Variants in PLCB4 observed in about 807,000 individuals in gnomAD.
PLCB4 encodes 1-phosphatidylinositol 4,5-bisphosphate phosphodiesterase beta-4.
PLCB4 carries 77 observed loss-of-function variants against 178.8 expected under a neutral mutation model. The observed-to-expected ratio is 0.43, with a 90% CI of 0.36 to 0.52. The LOEUF (loss-of-function observed/expected upper bound fraction) is 0.52. Among genes scored for constraint, PLCB4 ranks in the 20% least tolerant of loss-of-function variants. The probability of loss-of-function intolerance (pLI) is 0.00; values close to 1 mark genes in which losing one functional copy is unlikely to be tolerated. For missense variants in PLCB4, 1,024 were observed against 1,453.4 expected (o/e 0.70, Z 4.80); for synonymous variants, 496 against 490.8 (o/e 1.01, Z -0.14).
intron 3 of PLCB4, among the ~76,000 whole-genome samples, chr20:9,299,820 A>G (rs1464055042): frequency 6.6e-6 from 1 of 152,062 alleles, no homozygotes; most frequent in Non-Finnish European, 1.5e-5. Context: ...CAATTACTAG[A>G]TAAAAGAGTA....
rs151093718 is a variant in PLCB4, at chr20:9,455,917, C to T, written c.2997-1497C>T. ...GTAGCACAATCTTGGCCCAATGCAA[C>T]CTCCGCCTCCCAGGTTCAAGCAATC... On this transcript the variant is annotated intron_variant, in intron 33 of 39. Transcript: ENST00000378473. Among the ~76,000 whole-genome samples the T allele has an allele frequency of 5.6e-3, 859 of 152,310 alleles. 14 individuals are homozygous for T. Among genetic ancestry groups the T allele is most frequent in the African/African-American group, 0.019 (808 of 41,554 alleles).
chr20:9,467,939 C>T (rs1214512808), intron 35 of PLCB4, among the ~76,000 whole-genome samples: 1 of 152,174 alleles, frequency 6.6e-6, no homozygotes, highest in African/African-American at 2.4e-5. Flanking sequence ...CATACACATG[C>T]ATTCCCACAT....
At chr20:9,131,991 C>T (rs184660173) in intron 2 of PLCB4, among the ~76,000 whole-genome samples, 1 of 152,172 alleles carries the variant, frequency 6.6e-6, no homozygotes, top group East Asian at 1.9e-4. Context: ...CCCAGTCAAA[C>T]TCCCAACTGA....
At chr20:9,330,383 CCA>C (rs1400381283) in intron 4 of PLCB4, among the ~76,000 whole-genome samples, 3 of 152,164 alleles carry the variant, frequency 2.0e-5, no homozygotes, top group African/African-American at 4.8e-5. Context: ...TCTTATCAAA[CCA>C]GGAAGCAAGG....
In PLCB4 at chr20:9,191,880, G is replaced by GT. The variant is rs11475371; in HGVS notation, c.-78-25495dup. Among the ~76,000 whole-genome samples the GT allele has an allele frequency of 5.6e-3, 789 of 140,488 alleles. 4 individuals carry two copies. The highest frequency in any genetic ancestry group is 9.5e-3 in the East Asian group (45 of 4,720). 92.2% of individuals were successfully genotyped at this position (140,488 alleles called of 152,430 possible). On this transcript the variant is annotated intron_variant, in intron 2 of 39. Coordinates refer to ENST00000378473, the MANE Select transcript of PLCB4 (RefSeq NM_001377142.1). ...GTCCAGATATTAATTCATTCTGTAT[G>GT]TTTTTTTTTTTTTTTAAATATACAC... is the stretch of plus-strand genomic sequence containing the variant.
intron 2 of PLCB4, among the ~76,000 whole-genome samples, chr20:9,162,683 A>G (rs1037853068): frequency 6.6e-6 from 1 of 152,040 alleles, no homozygotes; most frequent in Non-Finnish European, 1.5e-5. Flanking sequence ...TTTTCTTTCT[A>G]TAATTTACAT....
At chr20:9,335,792 T>C (rs571740531) in intron 4 of PLCB4, among the ~76,000 whole-genome samples, 1 of 152,300 alleles carries the variant, frequency 6.6e-6, no homozygotes, top group African/African-American at 2.4e-5. Context: ...CCATGCCCTT[T>C]CCTTTGGTCT....
intron 7 of PLCB4, 73 bp from the exon 8 acceptor site, chr20:9,362,823 C>T (rs2035461581): frequency 3.5e-6 from 3 of 847,532 alleles, no homozygotes; most frequent in South Asian, 1.4e-5. Context: ...TGGATACAAT[C>T]TATCTAATAA....
At chr20:9,101,975 G>A (rs1255663899) in intron 2 of PLCB4, among the ~76,000 whole-genome samples, 1 of 151,832 alleles carries the variant, frequency 6.6e-6, no homozygotes, top group Non-Finnish European at 1.5e-5. Context: ...CTCCTGTGTA[G>A]CTGGGATTAT....
chr20:9,227,256 TG>T (rs2093878349), intron 3 of PLCB4, among the ~76,000 whole-genome samples: 1 of 152,090 alleles, frequency 6.6e-6, no homozygotes, highest in African/African-American at 2.4e-5. Context: ...TTCTGTAGAC[TG>T]TCTTTTCATT....
intron 2 of PLCB4, among the ~76,000 whole-genome samples, chr20:9,099,893 GT>G (rs2091074435): frequency 6.6e-6 from 1 of 152,144 alleles, no homozygotes; most frequent in South Asian, 2.1e-4. Flanking sequence ...ATTTTATTGT[GT>G]GTACAGTAGA....
chr20:9,240,980 A>G (rs954821178), intron 3 of PLCB4, among the ~76,000 whole-genome samples: 9 of 152,286 alleles, frequency 5.9e-5, no homozygotes, highest in Middle Eastern at 3.4e-3. Context: ...CAGAAATCCT[A>G]TCTAATACAT....
intron 3 of PLCB4, among the ~76,000 whole-genome samples, chr20:9,294,159 A>T (rs987548425): frequency 2.6e-5 from 4 of 152,130 alleles, no homozygotes; most frequent in African/African-American, 9.7e-5. Context: ...CTGAGTTCTT[A>T]GGAGAAATAT....
At chr20:9,203,500 A>C (rs1414892088) in intron 2 of PLCB4, among the ~76,000 whole-genome samples, 2 of 152,230 alleles carry the variant, frequency 1.3e-5, no homozygotes, top group African/African-American at 4.8e-5. Context: ...TAATTTGCAC[A>C]GATCATTTTC....
intron 4 of PLCB4, among the ~76,000 whole-genome samples, chr20:9,327,143 A>C (rs1390675497): frequency 6.6e-6 from 1 of 151,498 alleles, no homozygotes; most frequent in African/African-American, 2.4e-5. Flanking sequence ...GTTTTATATT[A>C]ATAATCAATA....
chr20:9,107,976 A>G (rs2091431186), intron 2 of PLCB4, among the ~76,000 whole-genome samples: 1 of 152,110 alleles, frequency 6.6e-6, no homozygotes, highest in African/African-American at 2.4e-5. Flanking sequence ...CATGGATTCC[A>G]CGTAAGGTAT....
At chr20:9,317,542 T>C (rs1468176115) in intron 4 of PLCB4, among the ~76,000 whole-genome samples, 1 of 152,154 alleles carries the variant, frequency 6.6e-6, no homozygotes, top group Non-Finnish European at 1.5e-5. Context: ...CTCAGTCAGT[T>C]TCATGGAAAA....
rs145822789 is a variant in PLCB4, at chr20:9,477,906, G to A, written c.3533-1015G>A. Among the ~76,000 whole-genome samples the A allele has an allele frequency of 3.4e-3, 512 of 152,226 alleles. 7 individuals are homozygous for A. The highest frequency in any genetic ancestry group is 0.012 in the African/African-American group (489 of 41,552). ...TCCCCTCCCAGTGACCTTCCATTTA[G>A]TTGGAATATCTAAGCAGACATAAAT... On this transcript the variant is annotated intron_variant, in intron 39 of 39. Coordinates refer to ENST00000378473, the MANE Select transcript of PLCB4 (RefSeq NM_001377142.1).
intron 4 of PLCB4, among the ~76,000 whole-genome samples, chr20:9,325,859 A>G (rs2030433357): frequency 6.6e-6 from 1 of 152,200 alleles, no homozygotes; most frequent in African/African-American, 2.4e-5. Flanking sequence ...TCAGGCTGCT[A>G]TAACAAAATA....
Sources: allele counts gnomAD v4.1 joint callset (sites outside exome capture counted in the v4.1 genomes callset), GRCh38; gene constraint gnomAD v4.1.1; transcripts MANE v1.5; gene names NCBI Gene and HGNC (gene_info 2026-07-23, HGNC 2026-07-21).